SUMF1: variants seen among roughly 807,000 people sequenced by gnomAD.
SUMF1 encodes the protein sulfatase modifying factor 1.
Under a neutral mutation model 47.6 loss-of-function variants are expected in SUMF1, and 48 were observed. The observed-to-expected ratio is 1.01, with a 90% CI of 0.80 to 1.28. The LOEUF is 1.28. SUMF1 is among the 50% of genes most tolerant of loss of function. The pLI is 0.00. For missense variants in SUMF1, 571 were observed against 485.4 expected (o/e 1.18, Z -1.66); for synonymous variants, 230 against 192.1 (o/e 1.20, Z -1.63).
chr3:4,377,924 A>G (rs971110296), intron 7 of SUMF1, among the ~76,000 whole-genome samples: 20 of 152,210 alleles, frequency 1.3e-4, no homozygotes, highest in Non-Finnish European at 2.8e-4. Flanking sequence ...CCTGTGACCC[A>G]AAAGCACCCT....
intron 8 of SUMF1, among the ~76,000 whole-genome samples, chr3:4,083,586 A>T (rs1164021693): frequency 6.6e-6 from 1 of 152,136 alleles, no homozygotes; most frequent in Non-Finnish European, 1.5e-5. Context: ...TCCATTTGCA[A>T]CTTGTTCCAA....
chr3:4,146,762 C>T (rs1372478725), intron 8 of SUMF1, among the ~76,000 whole-genome samples: 4 of 151,506 alleles, frequency 2.6e-5, no homozygotes, highest in Admixed American at 1.3e-4. Flanking sequence ...GTTCAATTCC[C>T]ACCTATGAGT....
intron 8 of SUMF1, among the ~76,000 whole-genome samples, chr3:4,325,953 C>A (rs374413699): frequency 1.2e-4 from 18 of 152,220 alleles, no homozygotes; most frequent in African/African-American, 4.3e-4. Flanking sequence ...TCCAAAGTAG[C>A]GGAGACTACA....
chr3:4,368,204 G>C (rs146148886), intron 8 of SUMF1, among the ~76,000 whole-genome samples: 3,620 of 152,320 alleles, frequency 0.024, 64 homozygotes, highest in Middle Eastern at 0.044. Flanking sequence ...CTCAGAAGAA[G>C]ACATTTGTGC....
intron 1 of SUMF1, among the ~76,000 whole-genome samples, chr3:4,456,980 ATATATATATACGTGTGTG>A (rs1217042145): frequency 1.3e-4 from 16 of 119,534 alleles, no homozygotes; most frequent in South Asian, 2.6e-4. Flanking sequence ...ACGTGTGTGT[ATATATATATACGTGTGTG>A]TATATATATA....
At chr3:4,169,143 A>T (rs1320337323) in intron 8 of SUMF1, among the ~76,000 whole-genome samples, 2 of 152,182 alleles carry the variant, frequency 1.3e-5, no homozygotes, top group Non-Finnish European at 2.9e-5. Flanking sequence ...TAACAGATGG[A>T]ACAGATAATG....
At chr3:4,213,829 G>A (rs535888065) in intron 8 of SUMF1, among the ~76,000 whole-genome samples, 1 of 152,262 alleles carries the variant, frequency 6.6e-6, no homozygotes, top group Non-Finnish European at 1.5e-5. Flanking sequence ...TTACATAATG[G>A]TAAAAGGATC....
intron 3 of SUMF1, among the ~76,000 whole-genome samples, chr3:4,446,200 T>C (rs1702775212): frequency 1.3e-5 from 2 of 152,312 alleles, no homozygotes; most frequent in South Asian, 2.1e-4. Flanking sequence ...TCTTGAATTA[T>C]AGCTCCAATA....
At chr3:4,207,885 A>G (rs1301879952) in intron 8 of SUMF1, among the ~76,000 whole-genome samples, 1 of 152,060 alleles carries the variant, frequency 6.6e-6, no homozygotes, top group Non-Finnish European at 1.5e-5. Flanking sequence ...GTAATTGACA[A>G]TTGCTGGAGA....
intron 8 of SUMF1, among the ~76,000 whole-genome samples, chr3:4,159,377 C>G (rs1278668234): frequency 6.6e-6 from 1 of 150,912 alleles, no homozygotes; most frequent in Non-Finnish European, 1.5e-5. Flanking sequence ...AAACTGAGGA[C>G]AACTTAACAC....
rs1699756098 is a variant in SUMF1 at position 4,361,532 on chromosome 3, T to C, written c.*612A>G. 6.4e-6 allele frequency: 1 copy of C among 155,864 alleles called. No individual in the cohort carries two copies. Among genetic ancestry groups the C allele is most frequent in the South Asian group, 2.0e-4 (1 of 5,016 alleles). 9.7% of individuals were successfully genotyped at this position (155,864 alleles called of 1,614,324 possible). On this transcript the variant is annotated 3_prime_UTR_variant, in exon 9 of 9. Coordinates refer to ENST00000272902, the MANE Select transcript of SUMF1 (RefSeq NM_182760.4). ...AACAACGTAAAAGACACTGATTTCC[T>C]TGGAAAAACAAAGTGCAGTACGAAT...
At chr3:4,260,250 A>C (rs80257725) in intron 8 of SUMF1, among the ~76,000 whole-genome samples, 2,548 of 151,472 alleles carry the variant, frequency 0.017, 89 homozygotes, top group African/African-American at 0.059. Flanking sequence ...ATTTAAAAGC[A>C]GGTACAAATA....
intron 8 of SUMF1, among the ~76,000 whole-genome samples, chr3:4,366,363 T>C (rs1038789825): frequency 7.9e-5 from 12 of 152,214 alleles, no homozygotes; most frequent in Non-Finnish European, 1.6e-4. Context: ...CCATCAGACG[T>C]AGATTTGGTC....
At chr3:4,149,620 CATGTACT>C (rs1184451577) in intron 8 of SUMF1, among the ~76,000 whole-genome samples, 1 of 152,162 alleles carries the variant, frequency 6.6e-6, no homozygotes, top group African/African-American at 2.4e-5. Context: ...CAAAATTTTG[CATGTACT>C]ATAGATAATC....
intron 3 of SUMF1, among the ~76,000 whole-genome samples, chr3:4,441,722 T>C (rs1057328348): frequency 2.4e-4 from 36 of 152,188 alleles, no homozygotes; most frequent in Non-Finnish European, 7.3e-5. Context: ...TCGATAATAA[T>C]ACTCTGTTTT....
At chr3:4,383,923 CAT>C (rs1363557849) in intron 7 of SUMF1, among the ~76,000 whole-genome samples, 2 of 144,464 alleles carry the variant, frequency 1.4e-5, no homozygotes, top group African/African-American at 4.9e-5. Context: ...TTGACAAAGA[CAT>C]ATCAACAAAC....
chr3:4,328,522 CA>C (rs1344951344), intron 8 of SUMF1, among the ~76,000 whole-genome samples: 1 of 152,086 alleles, frequency 6.6e-6, no homozygotes, highest in East Asian at 1.9e-4. Flanking sequence ...AGAACTTGTG[CA>C]AATAAAATCA....
chr3:4,282,605 T>C (rs1008868785), intron 8 of SUMF1, among the ~76,000 whole-genome samples: 1 of 152,194 alleles, frequency 6.6e-6, no homozygotes, highest in African/African-American at 2.4e-5. Context: ...TTACACTAAA[T>C]GGCACTTTCA....
chr3:4,164,588 C>A (rs1694656460), intron 8 of SUMF1, among the ~76,000 whole-genome samples: 1 of 152,170 alleles, frequency 6.6e-6, no homozygotes, highest in East Asian at 1.9e-4. Flanking sequence ...AGGTTATTGG[C>A]CTGCTCCATT....
Sources: gnomAD v4.1 joint callset for allele counts (sites outside exome capture counted in the v4.1 genomes callset) on GRCh38, gnomAD v4.1.1 for gene constraint, MANE v1.5 for transcripts, NCBI Gene and HGNC (gene_info 2026-07-23, HGNC 2026-07-21) for gene names.